The following CEP162 variants were observed in gnomAD, a reference collection of about 807,000 sequenced individuals.
The protein encoded by CEP162 is centrosomal protein of 162 kDa.
In CEP162, 141 loss-of-function variants were observed where a neutral mutation model predicts 169.2. The ratio of observed to expected loss-of-function variants is 0.83; its 90% CI spans 0.73 to 0.96. The LOEUF is 0.96. Among genes scored for constraint, CEP162 ranks in the 40% least tolerant of loss-of-function variants. The pLI, the probability that CEP162 is intolerant of heterozygous loss-of-function variation, is 0.00. For synonymous variants in CEP162, 540 were observed against 526.4 expected, an observed-to-expected ratio of 1.03 and a Z score of -0.35; for missense variants, 1,600 against 1,587.2, an observed-to-expected ratio of 1.01 and a Z score of -0.14.
chr6:84,156,871 A>G (rs1028294979), intron 21 of CEP162, among the ~76,000 whole-genome samples: 2 of 152,110 alleles, frequency 1.3e-5, no homozygotes, highest in Admixed American at 1.3e-4. Context: ...TCAGAAAGTA[A>G]AACTCCACAT....
At chr6:84,220,929 C>T (rs1018862015) in intron 3 of CEP162, 128 bp downstream of exon 3, 11 of 511,224 alleles carry the variant, frequency 2.2e-5, no homozygotes, top group Non-Finnish European at 3.5e-5. Context: ...AAAATCAATT[C>T]AAACTTCAAA....
chr6:84,186,281 AC>A (rs540176905), intron 12 of CEP162, 50 bp downstream of exon 12: 7 of 1,023,616 alleles, frequency 6.8e-6, no homozygotes, highest in Non-Finnish European at 1.0e-5. Context: ...TATATACTTT[AC>A]ATAACTTCGG....
chr6:84,148,952 A>C (rs552780321), intron 24 of CEP162, among the ~76,000 whole-genome samples: 5 of 152,288 alleles, frequency 3.3e-5, no homozygotes, highest in African/African-American at 1.2e-4. Context: ...ATGCTCATAG[A>C]TATTCTAAGT....
intron 25 of CEP162, among the ~76,000 whole-genome samples, chr6:84,132,714 C>CT (rs1356235596): frequency 6.6e-6 from 1 of 152,150 alleles, no homozygotes; most frequent in Non-Finnish European, 1.5e-5. Flanking sequence ...AAGGTCTTCT[C>CT]TATGCTGTTT....
intron 5 of CEP162, among the ~76,000 whole-genome samples, chr6:84,214,266 G>A (rs1244617213): frequency 2.6e-5 from 4 of 152,160 alleles, no homozygotes; most frequent in South Asian, 4.1e-4. Context: ...GCGACAGAGC[G>A]AGACTCCGTC....
chr6:84,140,219 A>G (rs891528470), intron 25 of CEP162, among the ~76,000 whole-genome samples: 1 of 152,162 alleles, frequency 6.6e-6, no homozygotes, highest in Non-Finnish European at 1.5e-5. Context: ...TTGTCTTAAT[A>G]AGAGACGGCA....
At chr6:84,177,218 A>C (rs2129224146) in intron 13 of CEP162, among the ~76,000 whole-genome samples, 1 of 152,224 alleles carries the variant, frequency 6.6e-6, no homozygotes, top group East Asian at 1.9e-4. Flanking sequence ...CCCCTTCCCT[A>C]GTTGATAGGC....
At chr6:84,221,016 T>G in intron 3 of CEP162, 41 bp downstream of exon 3, 1 of 1,055,374 alleles carries the variant, frequency 9.5e-7, no homozygotes, top group Non-Finnish European at 1.5e-6. Flanking sequence ...ACTGACCCCT[T>G]GTGGTCAAAT....
chr6:84,221,086 C>T lies in CEP162; in HGVS notation c.143G>A (p.Trp48Ter). 6.3e-7 allele frequency: 1 copy of T among 1,593,752 alleles called. No homozygotes were observed. The highest frequency in any genetic ancestry group is 8.6e-7 in the Non-Finnish European group (1 of 1,162,774). Residue 48 changes from tryptophan (W) to a stop codon, truncating the protein, a stop_gained, in exon 3 of 27, where the codon TGG becomes TAG. Transcript: ENST00000403245. LOFTEE classifies it high-confidence loss of function. ...ATCTTTAAAATCATCTTCAGTTATC[C>T]ACCAAGGCACTGTATCTTTCTTCTT... ...EMKKKDTVPW[W>*]ITEDDFKDDG...
intron 6 of CEP162, 89 bp from the exon 7 acceptor site, chr6:84,204,185 G>A (rs1433564744): frequency 1.4e-5 from 10 of 712,332 alleles, no homozygotes; most frequent in Non-Finnish European, 2.3e-5. Flanking sequence ...AAAGGAAGAA[G>A]TCTGTATAAG....
intron 13 of CEP162, among the ~76,000 whole-genome samples, chr6:84,184,307 C>T (rs1031837947): frequency 1.5e-4 from 23 of 152,140 alleles, no homozygotes; most frequent in Non-Finnish European, 2.5e-4. Context: ...TCTCACCTTC[C>T]ATCTCAGCTA....
At chr6:84,194,497 G>A (rs1352863043) in intron 10 of CEP162, among the ~76,000 whole-genome samples, 1 of 148,900 alleles carries the variant, frequency 6.7e-6, no homozygotes. Context: ...TCTGTTGCCA[G>A]GCTGGAGGAG....
intron 11 of CEP162, among the ~76,000 whole-genome samples, chr6:84,193,241 TGACTAA>T (rs1185650118): frequency 5.3e-5 from 8 of 152,228 alleles, no homozygotes; most frequent in African/African-American, 1.7e-4. Context: ...AGCCAGTCTG[TGACTAA>T]GTCAAAACTA....
intron 6 of CEP162, among the ~76,000 whole-genome samples, chr6:84,211,428 G>A (rs2099549389): frequency 6.6e-6 from 1 of 150,722 alleles, no homozygotes; most frequent in South Asian, 2.1e-4. Context: ...TCAGGAGGCT[G>A]AGGCAGCAGA....
intron 13 of CEP162, among the ~76,000 whole-genome samples, chr6:84,181,261 C>T (rs1391421095): frequency 6.6e-6 from 1 of 152,156 alleles, no homozygotes; most frequent in African/African-American, 2.4e-5. Flanking sequence ...AAAGGATTCC[C>T]TATTTAATAA....
intron 25 of CEP162, among the ~76,000 whole-genome samples, chr6:84,142,002 T>G (rs999075948): frequency 1.3e-5 from 2 of 152,182 alleles, no homozygotes; most frequent in African/African-American, 4.8e-5. Context: ...AATCTCACCA[T>G]GTCTTTGAAA....
At chr6:84,167,364 G>T (rs56844006) in intron 18 of CEP162, among the ~76,000 whole-genome samples, 7,505 of 152,056 alleles carry the variant, frequency 0.049, 244 homozygotes, top group Admixed American at 0.096. Flanking sequence ...ATGTTTGTTT[G>T]AATTTGCCTG....
At chr6:84,183,754 G>C (rs2099535901) in intron 13 of CEP162, among the ~76,000 whole-genome samples, 1 of 152,058 alleles carries the variant, frequency 6.6e-6, no homozygotes, top group Non-Finnish European at 1.5e-5. Context: ...AGTACACTTG[G>C]TTAAACAGTT....
chr6:84,200,640 T>C (rs1042256326), intron 9 of CEP162, 149 bp downstream of exon 9: 1 of 421,646 alleles, frequency 2.4e-6, no homozygotes, highest in African/African-American at 2.0e-5. Context: ...GTTCCAATTA[T>C]TTAAATTATT....
Sources: gnomAD v4.1 joint callset for allele counts (sites outside exome capture counted in the v4.1 genomes callset) on GRCh38, gnomAD v4.1.1 for gene constraint, MANE v1.5 for transcripts, NCBI Gene and HGNC (gene_info 2026-07-23, HGNC 2026-07-21) for gene names.